The following RAB27A variants were observed in gnomAD, a reference collection of about 807,000 sequenced individuals.
The protein encoded by RAB27A is ras-related protein Rab-27A.
Under a neutral mutation model 20.8 loss-of-function variants are expected in RAB27A, and 17 were observed. The observed-to-expected ratio is 0.82, with a 90% confidence interval of 0.56 to 1.23. The LOEUF (loss-of-function observed/expected upper bound fraction) is 1.23. Ranked by LOEUF, RAB27A falls within the 50% of genes most tolerant of loss-of-function variation. The pLI, the probability that RAB27A is intolerant of heterozygous loss-of-function variation, is 0.00. For synonymous variants in RAB27A, 85 were observed against 92.8 expected (o/e 0.92, Z 0.48); for missense variants, 277 against 266.7 (o/e 1.04, Z -0.27).
chr15:55,310,617 C>CT (rs2055016117), intron 2 of RAB27A, among the ~76,000 whole-genome samples: 1 of 152,172 alleles, frequency 6.6e-6, no homozygotes, highest in African/African-American at 2.4e-5. Flanking sequence ...CCTCCAAAGT[C>CT]TGCTTGCCTG....
intron 1 of RAB27A, among the ~76,000 whole-genome samples, chr15:55,318,337 T>A (rs1240721807): frequency 6.7e-6 from 1 of 149,874 alleles, no homozygotes; most frequent in Non-Finnish European, 1.5e-5. Context: ...GACCTCCTGA[T>A]CCGCCCGTCT....
intron 2 of RAB27A, among the ~76,000 whole-genome samples, chr15:55,298,030 G>A (rs7162777): frequency 0.29 from 44,608 of 151,260 alleles, 7,608 homozygotes; most frequent in East Asian, 0.55. Context: ...GTGAAACCCC[G>A]TCTCTACTAA....
chr15:55,205,329 A>AT lies in RAB27A; in HGVS notation c.*177dup. Reference sequence around the variant, plus strand: ...CTCTCAGGCTGAATCTTAAAGAAATATTTACAAAGCTGCAACAAATTAATT... The same window carrying AT: ...CTCTCAGGCTGAATCTTAAAGAAATATTTTACAAAGCTGCAACAAATTAATT... On this transcript the variant is annotated 3_prime_UTR_variant, in exon 7 of 7. Coordinates refer to ENST00000336787, the MANE Select transcript of RAB27A (RefSeq NM_183235.3). 1 of 689,244 alleles carries AT rather than the reference A, an allele frequency of 1.5e-6. No individual in the cohort carries two copies. The highest frequency in any genetic ancestry group is 1.8e-5 in the South Asian group (1 of 55,344). 42.7% of individuals were successfully genotyped at this position (689,244 alleles called of 1,614,324 possible).
intron 2 of RAB27A, among the ~76,000 whole-genome samples, chr15:55,266,679 G>T (rs139233374): frequency 1.0e-3 from 158 of 152,248 alleles, no homozygotes; most frequent in Non-Finnish European, 1.9e-3. Flanking sequence ...CACAACAACC[G>T]TATAAGGTCC....
rs1438739299 is a variant in RAB27A at position 55,204,364 on chromosome 15, A to C, written c.*1143T>G. The C allele has an allele frequency of 6.6e-6, 1 of 152,252 alleles. No individual in the cohort carries two copies. Among genetic ancestry groups the C allele is most frequent in the Non-Finnish European group, 1.5e-5 (1 of 68,050 alleles). The allele number at this position is 152,252 out of a possible 1,614,324, so 9.4% of individuals were successfully genotyped here. A position where few individuals can be genotyped will look rare whatever the true frequency, so the allele number is the denominator to read the frequency against. The stretch of plus-strand genomic sequence containing the variant: ...TAAATGCTCATGAGCTCTATGAAAA[A>C]TATAGGCTACAGAATACTTCATTTT... On this transcript the variant is annotated 3_prime_UTR_variant, in exon 7 of 7. Transcript: ENST00000336787.
intron 1 of RAB27A, among the ~76,000 whole-genome samples, chr15:55,288,628 G>C (rs1898222463): frequency 6.6e-6 from 1 of 151,958 alleles, no homozygotes; most frequent in Non-Finnish European, 1.5e-5. Flanking sequence ...GGGAGGAAGA[G>C]AGAATGGTAG....
At chr15:55,306,865 A>G (rs1479606517) in intron 2 of RAB27A, among the ~76,000 whole-genome samples, 2 of 152,198 alleles carry the variant, frequency 1.3e-5, no homozygotes, top group South Asian at 2.1e-4. Flanking sequence ...AGAGAAAAAT[A>G]CAATAAGGGA....
intron 1 of RAB27A, among the ~76,000 whole-genome samples, chr15:55,286,750 T>TA (rs758597421): frequency 1.3e-5 from 2 of 151,754 alleles, no homozygotes; most frequent in African/African-American, 2.4e-5. Context: ...CAGAGTGACA[T>TA]AATAGACTCT....
At chr15:55,214,363 G>A (rs1385819302) in intron 6 of RAB27A, among the ~76,000 whole-genome samples, 1 of 152,190 alleles carries the variant, frequency 6.6e-6, no homozygotes, top group Non-Finnish European at 1.5e-5. Flanking sequence ...ATGAACCCAG[G>A]AGGTGGAGCT....
chr15:55,217,663 C>CAAAAAAA lies in RAB27A; in HGVS notation c.467+6219_467+6225dup, dbSNP rs199813098. 8.4e-3 allele frequency among the ~76,000 whole-genome samples: 367 copies of CAAAAAAA among 43,502 alleles called. 27 individuals are homozygous for CAAAAAAA. The highest frequency in any genetic ancestry group is 9.8e-3 in the Non-Finnish European group (226 of 23,124). The allele number at this position is 43,502 out of a possible 152,430, so 28.5% of individuals were successfully genotyped here. On this transcript the variant is annotated intron_variant, in intron 6 of 6. Coordinates refer to ENST00000336787, the MANE Select transcript of RAB27A (RefSeq NM_183235.3). Reference sequence around the variant, plus strand: ...TGGGTGACAGAGCTACACTCCATCTCAAAAAAAAAAAAAAAAAAAAAAAAA... The same window carrying CAAAAAAA: ...TGGGTGACAGAGCTACACTCCATCTCAAAAAAAAAAAAAAAAAAAAAAAAAAAAAAAA...
intron 2 of RAB27A, among the ~76,000 whole-genome samples, chr15:55,309,429 A>C (rs945254909): frequency 1.3e-5 from 2 of 152,226 alleles, no homozygotes; most frequent in African/African-American, 4.8e-5. Flanking sequence ...TGATGGCACA[A>C]GGTTTCTGAA....
rs531953563 is a variant in RAB27A at position 55,266,011 on chromosome 15, T to C, written c.-23+4154A>G. ...ATCTCTATGGCAGCCACATGGAGAC[T>C]GGAAATACACAGAGCATCAGAAGGC... On this transcript the variant is annotated intron_variant, in intron 2 of 6. Transcript: ENST00000336787. Among the ~76,000 whole-genome samples the C allele has an allele frequency of 7.2e-5, 11 of 152,290 alleles. No individual in the cohort carries two copies. In the East Asian group the frequency reaches 1.9e-3, roughly 27 times the overall value.
At chr15:55,211,500 A>T (rs1173576149) in intron 6 of RAB27A, among the ~76,000 whole-genome samples, 9 of 152,012 alleles carry the variant, frequency 5.9e-5, no homozygotes, top group African/African-American at 2.2e-4. Flanking sequence ...TAGGTATTTT[A>T]TATTCTTTGC....
intron 2 of RAB27A, among the ~76,000 whole-genome samples, chr15:55,249,901 G>A (rs7171897): frequency 2.6e-5 from 4 of 151,976 alleles, no homozygotes; most frequent in Admixed American, 6.6e-5. Context: ...TCTATGAAAC[G>A]CTGGGATTCA....
intron 6 of RAB27A, among the ~76,000 whole-genome samples, chr15:55,222,238 AG>A (rs1474487280): frequency 2.6e-5 from 4 of 152,236 alleles, no homozygotes; most frequent in African/African-American, 9.6e-5. Flanking sequence ...CATCTGCCCT[AG>A]GGTAAAAACC....
chr15:55,317,957 T>C (rs983294895), intron 1 of RAB27A: 7 of 373,898 alleles, frequency 1.9e-5, no homozygotes, highest in Non-Finnish European at 3.3e-5. Context: ...GAGTGAACAA[T>C]ATTTTTATAA....
At position 55,306,516 on chromosome 15, in the gene RAB27A, G is replaced by A. The variant is rs369849021; in HGVS notation, c.-112+7523C>T. 1.1e-4 allele frequency among the ~76,000 whole-genome samples: 16 copies of A among 152,266 alleles called. 1 individual carries two copies. The highest frequency in any genetic ancestry group is 7.2e-4 in the Admixed American group (11 of 15,296). ...TCCTTTACGTGTTTTTCTCTTGCCT[G>A]ATCTTGAACTCCACCCCTATCAGAC... On this transcript the variant is annotated intron_variant, in intron 2 of 5. Coordinates refer to the RAB27A transcript ENST00000563262.
At chr15:55,229,774 G>T (rs1895960495) in intron 4 of RAB27A, among the ~76,000 whole-genome samples, 1 of 152,146 alleles carries the variant, frequency 6.6e-6, no homozygotes, top group Admixed American at 6.6e-5. Flanking sequence ...TGGTAAGGGG[G>T]TGGGGTGAGA....
chr15:55,309,761 T>A (rs144084671), intron 2 of RAB27A, among the ~76,000 whole-genome samples: 1 of 152,146 alleles, frequency 6.6e-6, no homozygotes. Flanking sequence ...AATGGCCTCA[T>A]TGATAATCCC....
Sources: gnomAD v4.1 joint callset for allele counts (sites outside exome capture counted in the v4.1 genomes callset) on GRCh38, gnomAD v4.1.1 for gene constraint, MANE v1.5 for transcripts, NCBI Gene and HGNC (gene_info 2026-07-23, HGNC 2026-07-21) for gene names.